RPS6KA2: variants seen among roughly 807,000 people sequenced by gnomAD.
RPS6KA2 encodes ribosomal protein S6 kinase alpha-2.
In RPS6KA2, 42 loss-of-function variants were observed where a neutral mutation model predicts 91.8. The ratio of observed to expected loss-of-function variants is 0.46; its 90% CI spans 0.36 to 0.59. The LOEUF (loss-of-function observed/expected upper bound fraction) is 0.59, where lower values mean the gene tolerates loss of function less well. Ranked by LOEUF, RPS6KA2 falls within the 20% of genes least tolerant of loss-of-function variation. The probability of loss-of-function intolerance (pLI) is 0.00; values close to 1 mark genes in which losing one functional copy is unlikely to be tolerated. For synonymous variants in RPS6KA2, 414 were observed against 393.6 expected (o/e 1.05, Z -0.61); for missense variants, 798 against 978.5 (o/e 0.82, Z 2.46).
chr6:166,599,882 G>T (rs1259756755), intron 1 of RPS6KA2, among the ~76,000 whole-genome samples: 1 of 152,104 alleles, frequency 6.6e-6, no homozygotes, highest in African/African-American at 2.4e-5. Context: ...AAGGCCTAGA[G>T]CAGAAGCCAC....
At chr6:166,715,953 G>T (rs1012037098) in intron 2 of RPS6KA2, among the ~76,000 whole-genome samples, 2 of 145,278 alleles carry the variant, frequency 1.4e-5, no homozygotes, top group African/African-American at 5.1e-5. Context: ...CAAAAGAATC[G>T]CTTGAGCCCT....
chr6:166,791,265 T>A (rs1342496275), intron 2 of RPS6KA2, among the ~76,000 whole-genome samples: 2 of 151,886 alleles, frequency 1.3e-5, no homozygotes, highest in African/African-American at 4.8e-5. Context: ...AAAGAGACAA[T>A]GAAGGCCATT....
intron 1 of RPS6KA2, among the ~76,000 whole-genome samples, chr6:166,598,057 G>A (rs1042482766): frequency 6.6e-6 from 1 of 152,232 alleles, no homozygotes; most frequent in Non-Finnish European, 1.5e-5. Flanking sequence ...TTGCACAGAG[G>A]CATGGTTTGA....
At chr6:166,547,103 T>C (rs1325362938) in intron 1 of RPS6KA2, among the ~76,000 whole-genome samples, 1 of 152,144 alleles carries the variant, frequency 6.6e-6, no homozygotes, top group Non-Finnish European at 1.5e-5. Flanking sequence ...CTATTTCAAG[T>C]GTACTGAGCA....
intron 2 of RPS6KA2, among the ~76,000 whole-genome samples, chr6:166,827,492 TAGTTTACTATGGCACATGTA>T (rs1780079631): frequency 6.6e-6 from 1 of 152,228 alleles, no homozygotes; most frequent in Non-Finnish European, 1.5e-5. Flanking sequence ...AATATATACA[TAGTTTACTATGGCACATGTA>T]TTCCCATTGC....
At chr6:166,834,526 T>C (rs9348186) in intron 2 of RPS6KA2, among the ~76,000 whole-genome samples, 82,047 of 151,988 alleles carry the variant, frequency 0.54, 23,942 homozygotes, top group Middle Eastern at 0.72. Context: ...GCTTAGTACC[T>C]GGGTGATGAA....
rs185181982 is a variant in RPS6KA2, at chr6:166,494,440, G to T, written c.748-3699C>A. On this transcript the variant is annotated intron_variant, in intron 8 of 20. Coordinates refer to ENST00000265678, the MANE Select transcript of RPS6KA2 (RefSeq NM_021135.6). The surrounding 1 kb of genome is among the most constrained non-coding windows in gnomAD (Gnocchi z 5.1). ...AAGGACACATCACATGGCACCTGAG[G>T]CGGGATGTCCAGAACATTCCGTGCC... is the stretch of plus-strand genomic sequence containing the variant. 3.7e-4 allele frequency among the ~76,000 whole-genome samples: 56 copies of T among 152,342 alleles called. No homozygotes were observed. Among genetic ancestry groups the T allele is most frequent in the Admixed American group, 1.2e-3 (19 of 15,310 alleles).
At chr6:166,520,340 A>T (rs1343004649) in intron 3 of RPS6KA2, among the ~76,000 whole-genome samples, 1 of 151,808 alleles carries the variant, frequency 6.6e-6, no homozygotes, top group East Asian at 1.9e-4. Context: ...GGTTCTTGGG[A>T]CTTTGAATTC....
At chr6:166,505,778 C>T (rs189539119) in intron 5 of RPS6KA2, among the ~76,000 whole-genome samples, 21 of 152,356 alleles carry the variant, frequency 1.4e-4, no homozygotes, top group Middle Eastern at 3.4e-3. Context: ...CTCCATTCCA[C>T]GCTTGGCCAG....
At chr6:166,782,817 G>A (rs940910850) in intron 2 of RPS6KA2, among the ~76,000 whole-genome samples, 1 of 152,104 alleles carries the variant, frequency 6.6e-6, no homozygotes, top group Non-Finnish European at 1.5e-5. Context: ...AGCAGGGATT[G>A]TTCAGCACAA....
chr6:166,758,826 C>CG (rs1778093082), intron 2 of RPS6KA2, among the ~76,000 whole-genome samples: 1 of 152,132 alleles, frequency 6.6e-6, no homozygotes, highest in South Asian at 2.1e-4. Flanking sequence ...TGCTAAAAGA[C>CG]GGGGCCCTGT....
intron 2 of RPS6KA2, among the ~76,000 whole-genome samples, chr6:166,781,242 A>G (rs1022619059): frequency 7.2e-5 from 11 of 152,256 alleles, no homozygotes; most frequent in Admixed American, 4.6e-4. Flanking sequence ...CTATTTTCAC[A>G]AAGGAACTAG....
intron 1 of RPS6KA2, among the ~76,000 whole-genome samples, chr6:166,573,109 G>A (rs985806559): frequency 3.3e-5 from 5 of 152,212 alleles, no homozygotes; most frequent in African/African-American, 4.8e-5. Flanking sequence ...GGGATGGCCC[G>A]GTGCAGGGAG....
intron 2 of RPS6KA2, among the ~76,000 whole-genome samples, chr6:166,659,720 C>T (rs1023342382): frequency 1.4e-4 from 22 of 152,138 alleles, no homozygotes; most frequent in African/African-American, 4.1e-4. Flanking sequence ...TGGGAGCCAG[C>T]GCTGGACGGC....
chr6:166,529,938 A>G (rs993613865), intron 3 of RPS6KA2, among the ~76,000 whole-genome samples: 1 of 152,232 alleles, frequency 6.6e-6, no homozygotes, highest in African/African-American at 2.4e-5. Context: ...CAGAAGTCCC[A>G]CGGACCTTCT....
At chr6:166,800,446 A>G (rs4710104) in intron 2 of RPS6KA2, among the ~76,000 whole-genome samples, 10,884 of 152,262 alleles carry the variant, frequency 0.071, 838 homozygotes, top group East Asian at 0.39. Context: ...AAACGTCAGC[A>G]TGACAGCATT....
intron 1 of RPS6KA2, among the ~76,000 whole-genome samples, chr6:166,568,080 C>T (rs1329912315): frequency 6.6e-6 from 1 of 152,190 alleles, no homozygotes; most frequent in Admixed American, 6.5e-5. Flanking sequence ...GGACATCCTG[C>T]TCTCGTAACC....
intron 20 of RPS6KA2, 150 bp downstream of exon 20, chr6:166,413,644 A>T (rs1778395162): frequency 1.4e-6 from 1 of 720,458 alleles, no homozygotes; most frequent in African/African-American, 1.8e-5. Context: ...GGTGAAGTGC[A>T]CGAAGGTAGG....
chr6:166,496,975 C>A (rs1350698575), intron 8 of RPS6KA2, among the ~76,000 whole-genome samples: 1 of 152,234 alleles, frequency 6.6e-6, no homozygotes, highest in African/African-American at 2.4e-5. Flanking sequence ...CCCTCACCCA[C>A]CACTCACCAG....
Sources: allele counts gnomAD v4.1 joint callset (sites outside exome capture counted in the v4.1 genomes callset), GRCh38; gene constraint gnomAD v4.1.1; non-coding constraint Gnocchi (gnomAD v3.1); transcripts MANE v1.5; gene names NCBI Gene and HGNC (gene_info 2026-07-23, HGNC 2026-07-21).